Variants in AGBL4 observed in about 807,000 individuals in gnomAD.
AGBL4 encodes the protein cytosolic carboxypeptidase 6.
AGBL4 carries 58 observed loss-of-function variants against 66.4 expected under a neutral mutation model. The ratio of observed to expected loss-of-function variants is 0.87; its 90% CI spans 0.71 to 1.09. The LOEUF is 1.09. Among genes scored for constraint, AGBL4 ranks in the 50% least tolerant of loss-of-function variants. The pLI, the probability that AGBL4 is intolerant of heterozygous loss-of-function variation, is 0.00. For missense variants in AGBL4, 579 were observed against 631.0 expected, an observed-to-expected ratio of 0.92 and a Z score of 0.88; for synonymous variants, 234 against 222.9, an observed-to-expected ratio of 1.05 and a Z score of -0.44.
At chr1:50,014,828 A>G (rs929592267) in intron 1 of AGBL4, among the ~76,000 whole-genome samples, 10 of 152,116 alleles carry the variant, frequency 6.6e-5, no homozygotes, top group African/African-American at 2.4e-4. Context: ...CCCAGCCAAA[A>G]GGATTTTTAA....
intron 7 of AGBL4, among the ~76,000 whole-genome samples, chr1:48,655,612 G>A (rs186409643): frequency 6.6e-6 from 1 of 152,304 alleles, no homozygotes; most frequent in African/African-American, 2.4e-5. Context: ...TCCTGTGTTA[G>A]CTGCCTGACA....
intron 4 of AGBL4, among the ~76,000 whole-genome samples, chr1:49,222,803 C>T (rs1032974877): frequency 6.6e-6 from 1 of 152,064 alleles, no homozygotes; most frequent in Non-Finnish European, 1.5e-5. Context: ...CCAAAAGTAC[C>T]ATTTAACAAA....
At chr1:49,187,142 C>G (rs879340466) in intron 4 of AGBL4, 1 of 152,144 alleles carries the variant, frequency 6.6e-6, no homozygotes, top group Non-Finnish European at 1.5e-5. Flanking sequence ...TGTTAAGACA[C>G]AGCAGCCTTT....
At chr1:49,905,439 G>C (rs1418110986) in intron 1 of AGBL4, among the ~76,000 whole-genome samples, 6 of 152,162 alleles carry the variant, frequency 3.9e-5, no homozygotes, top group Non-Finnish European at 7.4e-5. Context: ...CAACCAACAT[G>C]AAGCAAGTCA....
chr1:49,702,616 G>A (rs956805159), intron 2 of AGBL4, among the ~76,000 whole-genome samples: 4 of 152,086 alleles, frequency 2.6e-5, no homozygotes, highest in African/African-American at 9.7e-5. Flanking sequence ...CAGATGGAGA[G>A]ATCATGATGA....
Position 48,736,243 on chromosome 1 carries a change from G to A in AGBL4, c.635-73002C>T. The A allele has an allele frequency of 6.2e-7, 1 of 1,613,884 alleles. No homozygotes were observed. Among genetic ancestry groups the A allele is most frequent in the Non-Finnish European group, 8.5e-7 (1 of 1,179,780 alleles). On this transcript the variant is annotated intron_variant, in intron 6 of 13. Transcript: ENST00000371839. This position sits in a 1 kb window ranked among gnomAD's most constrained non-coding sequence, Gnocchi z 4.0. ...TGTTTCCACTCAGTGACCTACCTCT[G>A]ACGATGCTTAGTTTGTGAGGCGAGA...
intron 4 of AGBL4, among the ~76,000 whole-genome samples, chr1:49,047,519 T>G (rs929739002): frequency 2.0e-5 from 3 of 152,106 alleles, no homozygotes; most frequent in Non-Finnish European, 4.4e-5. Flanking sequence ...AGGCACTCCT[T>G]CTTCTAACTA....
intron 2 of AGBL4, among the ~76,000 whole-genome samples, chr1:49,768,772 C>T (rs1643967603): frequency 6.6e-6 from 1 of 151,422 alleles, no homozygotes; most frequent in Admixed American, 6.6e-5. Flanking sequence ...CCTAGAAAAC[C>T]CTAGATTCCA....
chr1:48,602,958 A>T (rs1645096379), intron 9 of AGBL4, among the ~76,000 whole-genome samples: 6 of 152,186 alleles, frequency 3.9e-5, no homozygotes, highest in Admixed American at 3.9e-4. Context: ...AAGAGACATA[A>T]GTGAAGACTG....
At chr1:49,292,062 G>A (rs969629400) in intron 3 of AGBL4, among the ~76,000 whole-genome samples, 6 of 152,206 alleles carry the variant, frequency 3.9e-5, no homozygotes, top group Non-Finnish European at 8.8e-5. Context: ...TACTCCCACT[G>A]CCTGGCTTCT....
At chr1:48,824,834 C>T (rs1322843014) in intron 6 of AGBL4, among the ~76,000 whole-genome samples, 1 of 152,180 alleles carries the variant, frequency 6.6e-6, no homozygotes, top group Non-Finnish European at 1.5e-5. Flanking sequence ...ATGTGCTCTG[C>T]GTGCTCCAGA....
chr1:49,927,638 C>T (rs1226366723), intron 1 of AGBL4, among the ~76,000 whole-genome samples: 1 of 151,362 alleles, frequency 6.6e-6, no homozygotes, highest in Non-Finnish European at 1.5e-5. Flanking sequence ...AAGAGCCAAA[C>T]CGTATCACAG....
intron 3 of AGBL4, among the ~76,000 whole-genome samples, chr1:49,446,964 C>T (rs1646172197): frequency 6.6e-6 from 1 of 152,132 alleles, no homozygotes; most frequent in African/African-American, 2.4e-5. Flanking sequence ...CCCCATCCTT[C>T]ATCCCTGGGC....
chr1:49,595,538 C>T (rs1180033478), intron 3 of AGBL4, among the ~76,000 whole-genome samples: 4 of 151,616 alleles, frequency 2.6e-5, no homozygotes, highest in Admixed American at 6.6e-5. Context: ...TTACAAGGAA[C>T]ATCATTTTGG....
intron 5 of AGBL4, among the ~76,000 whole-genome samples, chr1:49,024,123 A>G (rs1557570983): frequency 6.6e-6 from 1 of 152,290 alleles, no homozygotes; most frequent in East Asian, 1.9e-4. Flanking sequence ...TTACTAACAA[A>G]AAGAAATTAC....
At chr1:49,396,077 A>C (rs556634577) in intron 3 of AGBL4, among the ~76,000 whole-genome samples, 9 of 151,644 alleles carry the variant, frequency 5.9e-5, no homozygotes, top group African/African-American at 1.5e-4. Context: ...GTGCTGCATC[A>C]GAGTTACTTT....
chr1:49,434,693 GTGGTGGTGGTGGTGC>G (rs1479211339), intron 3 of AGBL4, among the ~76,000 whole-genome samples: 19 of 151,062 alleles, frequency 1.3e-4, no homozygotes, highest in Admixed American at 1.3e-3. Context: ...AGTGGTGGTG[GTGGTGGTGGTGGTGC>G]TGGTGGTGGT....
In AGBL4 at chr1:49,562,237, ATCT is replaced by A. The variant is rs201486313; in HGVS notation, c.282+135073_282+135075del. Among the ~76,000 whole-genome samples, 1,326 of 152,176 alleles carry A rather than the reference ATCT, an allele frequency of 8.7e-3. 15 individuals are homozygous for A. Among genetic ancestry groups the A allele is most frequent in the African/African-American group, 0.031 (1,271 of 41,528 alleles). ...TCTGTCAGATAAGTAGGTTGCAAAA[ATCT>A]TCTCCCATTCTGTAGGTTGCCTGTT... On this transcript the variant is annotated intron_variant, in intron 3 of 13. Transcript: ENST00000371839.
chr1:48,577,140 G>T (rs1407887823), intron 11 of AGBL4, among the ~76,000 whole-genome samples: 1 of 152,176 alleles, frequency 6.6e-6, no homozygotes, highest in Non-Finnish European at 1.5e-5. Flanking sequence ...ATAAAAGTTA[G>T]GCCTAAACCT....
Sources: allele counts gnomAD v4.1 joint callset (sites outside exome capture counted in the v4.1 genomes callset), GRCh38; gene constraint gnomAD v4.1.1; non-coding constraint Gnocchi (gnomAD v3.1); transcripts MANE v1.5; gene names NCBI Gene and HGNC (gene_info 2026-07-23, HGNC 2026-07-21).